DAB1: variants seen among roughly 807,000 people sequenced by gnomAD.
DAB1 encodes the protein disabled homolog 1.
Under a neutral mutation model 64.6 loss-of-function variants are expected in DAB1, and 15 were observed. That is an observed-to-expected ratio of 0.23 (90% CI 0.16 to 0.36). The LOEUF (loss-of-function observed/expected upper bound fraction) is 0.36, where lower values mean the gene tolerates loss of function less well. DAB1 is among the 10% of genes least tolerant of loss of function. DAB1 has a pLI of 1.00. For synonymous variants in DAB1, 235 were observed against 251.9 expected (o/e 0.93, Z 0.64); for missense variants, 596 against 706.7 (o/e 0.84, Z 1.78).
chr1:57,722,209 G>T (rs1336399130), intron 6 of DAB1, among the ~76,000 whole-genome samples: 1 of 152,114 alleles, frequency 6.6e-6, no homozygotes, highest in African/African-American at 2.4e-5. Context: ...GCCCACAGAG[G>T]TAAGTATACT....
intron 2 of DAB1, among the ~76,000 whole-genome samples, chr1:58,518,405 T>C (rs1231377089): frequency 2.6e-5 from 4 of 151,126 alleles, no homozygotes; most frequent in Admixed American, 2.0e-4. Flanking sequence ...GAAAAGAGAA[T>C]ATCATCATAG....
intron 7 of DAB1, among the ~76,000 whole-genome samples, chr1:57,431,767 C>A (rs1414979278): frequency 1.3e-5 from 2 of 152,034 alleles, no homozygotes; most frequent in African/African-American, 4.8e-5. Flanking sequence ...CAATTTTTTT[C>A]ACTCATAAAG....
intron 7 of DAB1, among the ~76,000 whole-genome samples, chr1:57,625,220 C>T (rs1001364598): frequency 2.0e-5 from 3 of 152,020 alleles, no homozygotes; most frequent in African/African-American, 7.2e-5. Context: ...CTTTCCTTCT[C>T]TTCTTTCCTC....
At chr1:57,834,539 G>A (rs963592912) in intron 1 of DAB1, among the ~76,000 whole-genome samples, 2 of 151,968 alleles carry the variant, frequency 1.3e-5, no homozygotes, top group Non-Finnish European at 1.5e-5. Flanking sequence ...CTCATTAAAT[G>A]TTTCAGTCTG....
At chr1:57,557,155 T>C (rs948588651) in intron 7 of DAB1, among the ~76,000 whole-genome samples, 4 of 152,114 alleles carry the variant, frequency 2.6e-5, no homozygotes, top group African/African-American at 4.8e-5. Context: ...GTAGACCGAC[T>C]CTTAATCTGG....
At chr1:57,805,530 G>A (rs749872125) in intron 6 of DAB1, among the ~76,000 whole-genome samples, 9 of 152,164 alleles carry the variant, frequency 5.9e-5, no homozygotes, top group South Asian at 2.1e-4. Context: ...ATAACTCAGA[G>A]AAGGTAACTT....
At chr1:57,322,061 T>A (rs1675767671) in intron 1 of DAB1, among the ~76,000 whole-genome samples, 2 of 152,196 alleles carry the variant, frequency 1.3e-5, no homozygotes, top group Non-Finnish European at 2.9e-5. Context: ...CCTAGCTATG[T>A]CCTGTGGAGC....
intron 1 of DAB1, among the ~76,000 whole-genome samples, chr1:57,324,931 C>T (rs1277917212): frequency 6.6e-6 from 1 of 152,212 alleles, no homozygotes; most frequent in South Asian, 2.1e-4. Context: ...AACTGTTTCC[C>T]TGAGAACTGC....
chr1:57,494,384 A>G (rs1342327087), intron 7 of DAB1, among the ~76,000 whole-genome samples: 1 of 152,210 alleles, frequency 6.6e-6, no homozygotes, highest in African/African-American at 2.4e-5. Context: ...AACTCCGGTA[A>G]TACTTCAGCC....
At position 58,488,660 on chromosome 1, in the gene DAB1, C is replaced by T. The variant is rs554951951; in HGVS notation, n.257+17400G>A. 3.3e-5 allele frequency among the ~76,000 whole-genome samples: 5 copies of T among 152,318 alleles called. No homozygotes were observed. The East Asian group carries it at 9.7e-4, about 29-fold the overall frequency. On this transcript the variant is annotated intron_variant and non_coding_transcript_variant, in intron 3 of 20. Transcript: ENST00000485760. ...AGAGACAGGGTTTCTCCATGTTGGT[C>T]AGGCTGGTCTTGAACTCCCGACCTC...
intron 7 of DAB1, chr1:57,606,282 G>A (rs1481093254): frequency 3.7e-5 from 6 of 160,930 alleles, no homozygotes; most frequent in African/African-American, 7.3e-5. Context: ...AGGAGTCGGC[G>A]GATGATAGCC....
chr1:57,138,847 G>A (rs79668886), intron 3 of DAB1, among the ~76,000 whole-genome samples: 3,274 of 152,066 alleles, frequency 0.022, 111 homozygotes, highest in East Asian at 0.17. Flanking sequence ...CTGACATTTC[G>A]CAAATTCATT....
intron 3 of DAB1, among the ~76,000 whole-genome samples, chr1:58,505,141 A>G (rs933049266): frequency 6.6e-6 from 1 of 152,098 alleles, no homozygotes; most frequent in Non-Finnish European, 1.5e-5. Context: ...CAGTAGAGAC[A>G]GGGTTTCACC....
At chr1:58,226,239 C>T (rs186415744) in intron 4 of DAB1, among the ~76,000 whole-genome samples, 1 of 152,116 alleles carries the variant, frequency 6.6e-6, no homozygotes, top group Non-Finnish European at 1.5e-5. Flanking sequence ...AGATGCTATA[C>T]AAATATTGGT....
chr1:57,042,808 G>A (rs1217363277), intron 9 of DAB1, among the ~76,000 whole-genome samples: 1 of 151,872 alleles, frequency 6.6e-6, no homozygotes, highest in South Asian at 2.1e-4. Flanking sequence ...TCAAATGCTT[G>A]GCATGTATGT....
chr1:58,153,206 T>C (rs185287721), intron 4 of DAB1, among the ~76,000 whole-genome samples: 1 of 152,314 alleles, frequency 6.6e-6, no homozygotes, highest in African/African-American at 2.4e-5. Context: ...TGCCTGATAA[T>C]ATTTCTGTCA....
rs146465598 is a variant in DAB1, at chr1:57,176,970, T to TACAA, written c.68-31542_68-31541insTTGT. Among the ~76,000 whole-genome samples the TACAA allele has an allele frequency of 6.8e-3, 415 of 61,000 alleles. 27 individuals carry two copies. Among genetic ancestry groups the TACAA allele is most frequent in the African/African-American group, 0.015 (375 of 25,640 alleles). The allele number at this position is 61,000 out of a possible 152,430, so 40.0% of individuals were successfully genotyped here. A position where few individuals can be genotyped will look rare whatever the true frequency, so the allele number is the denominator to read the frequency against. On this transcript the variant is annotated intron_variant, in intron 2 of 14. Coordinates refer to ENST00000371236, the MANE Select transcript of DAB1 (RefSeq NM_001365792.1). Reference sequence around the variant, plus strand: ...GATAAAAAAAAGAAGCAGCAGCAGATATAAAAAAAAAAAAAAAAAAAAGCC... The same window carrying TACAA: ...GATAAAAAAAAGAAGCAGCAGCAGATACAAATAAAAAAAAAAAAAAAAAAAAGCC...
chr1:57,564,020 A>T (rs931039397), intron 7 of DAB1, among the ~76,000 whole-genome samples: 11 of 152,188 alleles, frequency 7.2e-5, no homozygotes, highest in African/African-American at 2.4e-4. Context: ...CTGAGTAGCC[A>T]AACTGGGAGG....
At chr1:58,493,288 T>G (rs553570607) in intron 3 of DAB1, among the ~76,000 whole-genome samples, 199 of 152,338 alleles carry the variant, frequency 1.3e-3, no homozygotes, top group Non-Finnish European at 2.3e-3. Context: ...GAGCTATTTA[T>G]GACAAACTCA....
Sources: gnomAD v4.1 joint callset for allele counts (sites outside exome capture counted in the v4.1 genomes callset) on GRCh38, gnomAD v4.1.1 for gene constraint, MANE v1.5 for transcripts, NCBI Gene and HGNC (gene_info 2026-07-23, HGNC 2026-07-21) for gene names.